The following RBFOX1 variants were observed in gnomAD, a reference collection of about 807,000 sequenced individuals.
RBFOX1 encodes RNA binding fox-1 homolog 1.
In RBFOX1, 8 loss-of-function variants were observed where a neutral mutation model predicts 57.7. The observed-to-expected ratio is 0.14, with a 90% CI of 0.08 to 0.25. RBFOX1 has a LOEUF of 0.25. RBFOX1 is among the 10% of genes least tolerant of loss of function. The pLI, the probability that RBFOX1 is intolerant of heterozygous loss-of-function variation, is 1.00. For synonymous variants in RBFOX1, 326 were observed against 222.4 expected, an observed-to-expected ratio of 1.47 and a Z score of -4.15; for missense variants, 611 against 548.5, an observed-to-expected ratio of 1.11 and a Z score of -1.14.
chr16:6,568,498 A>G (rs1373807125), intron 2 of RBFOX1, among the ~76,000 whole-genome samples: 7 of 152,148 alleles, frequency 4.6e-5, no homozygotes, highest in African/African-American at 1.7e-4. Flanking sequence ...TTATAACCCA[A>G]CCTCAGAGTG....
intron 2 of RBFOX1, among the ~76,000 whole-genome samples, chr16:5,571,247 G>A (rs1285450565): frequency 1.5e-5 from 2 of 132,302 alleles, no homozygotes; most frequent in Non-Finnish European, 3.1e-5. Context: ...TTGAGATGGA[G>A]TCACACTGTG....
chr16:5,819,040 C>G (rs1325211318), intron 3 of RBFOX1, among the ~76,000 whole-genome samples: 1 of 152,160 alleles, frequency 6.6e-6, no homozygotes, highest in South Asian at 2.1e-4. Flanking sequence ...TCTGCTTTCT[C>G]TCCATCCACA....
intron 4 of RBFOX1, among the ~76,000 whole-genome samples, chr16:7,437,588 T>A (rs1006439305): frequency 3.3e-5 from 5 of 152,190 alleles, no homozygotes; most frequent in Admixed American, 2.6e-4. Flanking sequence ...ATGAAACTGC[T>A]CCCCGGCAAC....
At chr16:6,501,052 G>A (rs2095902607) in intron 2 of RBFOX1, among the ~76,000 whole-genome samples, 1 of 150,908 alleles carries the variant, frequency 6.6e-6, no homozygotes, top group South Asian at 2.1e-4. Flanking sequence ...GCCCATGGGA[G>A]TCTGCCCCTG....
intron 4 of RBFOX1, among the ~76,000 whole-genome samples, chr16:7,196,200 G>T (rs141358262): frequency 1.3e-3 from 195 of 152,278 alleles, no homozygotes; most frequent in African/African-American, 4.6e-3. Context: ...ATGTTCCATA[G>T]TCAGAATGGT....
chr16:5,578,086 G>A (rs2046529265), intron 2 of RBFOX1, among the ~76,000 whole-genome samples: 1 of 152,110 alleles, frequency 6.6e-6, no homozygotes, highest in African/African-American at 2.4e-5. Flanking sequence ...CGAGTAGCTG[G>A]GACTACAGGT....
chr16:7,386,926 G>A (rs1253113163), intron 4 of RBFOX1, among the ~76,000 whole-genome samples: 1 of 152,150 alleles, frequency 6.6e-6, no homozygotes, highest in Non-Finnish European at 1.5e-5. Context: ...CATTCTGACT[G>A]CCATGAGATG....
At chr16:5,710,393 C>T (rs997454590) in intron 3 of RBFOX1, among the ~76,000 whole-genome samples, 1 of 152,146 alleles carries the variant, frequency 6.6e-6, no homozygotes, top group Non-Finnish European at 1.5e-5. Flanking sequence ...TGGGTCTCTT[C>T]ATTTGCTGCT....
At chr16:6,868,225 A>C (rs147623190) in intron 3 of RBFOX1, among the ~76,000 whole-genome samples, 51 of 152,318 alleles carry the variant, frequency 3.3e-4, no homozygotes, top group African/African-American at 1.2e-3. Flanking sequence ...TAATTTATAG[A>C]AACAGAAATA....
chr16:5,886,594 A>T (rs1267819258), intron 4 of RBFOX1, among the ~76,000 whole-genome samples: 1 of 152,196 alleles, frequency 6.6e-6, no homozygotes, highest in Non-Finnish European at 1.5e-5. Context: ...TCATTATTCA[A>T]ATCGTCTCTT....
chr16:5,285,916 C>T (rs1160295381), intron 1 of RBFOX1, among the ~76,000 whole-genome samples: 6 of 152,120 alleles, frequency 3.9e-5, no homozygotes, highest in East Asian at 1.9e-4. Flanking sequence ...GGACTACAGG[C>T]GCCTGCCACC....
rs564322452 is a variant in RBFOX1, at chr16:6,581,415, A to G, written c.-63-73188A>G. The stretch of plus-strand genomic sequence containing the variant: ...TTATTTTGTTGGTTTCACTGTTGGC[A>G]GCTGGTACAGGCTTCCTTCCCCCAG... On this transcript the variant is annotated intron_variant, in intron 2 of 15. Transcript: ENST00000550418. 7.4e-4 allele frequency among the ~76,000 whole-genome samples: 113 copies of G among 152,256 alleles called. 1 individual carries two copies. The highest frequency in any genetic ancestry group is 1.5e-3 in the Non-Finnish European group (100 of 68,010).
chr16:6,787,054 A>G (rs1169709804), intron 3 of RBFOX1, among the ~76,000 whole-genome samples: 1 of 152,104 alleles, frequency 6.6e-6, no homozygotes, highest in Non-Finnish European at 1.5e-5. Flanking sequence ...GTTGATTTGA[A>G]TTTTGAATAC....
At chr16:7,138,709 A>G (rs1301968914) in intron 4 of RBFOX1, among the ~76,000 whole-genome samples, 3 of 152,200 alleles carry the variant, frequency 2.0e-5, no homozygotes, top group East Asian at 3.9e-4. Context: ...TCCCAGATAT[A>G]TAGGCTGCAT....
chr16:7,193,395 G>A (rs563487222), intron 4 of RBFOX1, among the ~76,000 whole-genome samples: 3 of 152,348 alleles, frequency 2.0e-5, no homozygotes, highest in South Asian at 2.1e-4. Context: ...GTAGCTGGAT[G>A]AGACCTGCAT....
At chr16:6,744,044 A>G (rs2072982231) in intron 3 of RBFOX1, among the ~76,000 whole-genome samples, 1 of 152,108 alleles carries the variant, frequency 6.6e-6, no homozygotes, top group African/African-American at 2.4e-5. Context: ...AAAAAGTAAT[A>G]AAGATACAGA....
intron 1 of RBFOX1, among the ~76,000 whole-genome samples, chr16:5,340,484 T>C (rs1240124437): frequency 2.6e-5 from 4 of 152,314 alleles, no homozygotes; most frequent in Admixed American, 6.5e-5. Flanking sequence ...GGGCACATAT[T>C]GGGAGTGATG....
intron 3 of RBFOX1, among the ~76,000 whole-genome samples, chr16:6,927,808 G>C (rs1209032169): frequency 6.6e-6 from 1 of 152,080 alleles, no homozygotes; most frequent in East Asian, 1.9e-4. Flanking sequence ...ACCCTAAAGA[G>C]CCAGAAGCCT....
intron 4 of RBFOX1, among the ~76,000 whole-genome samples, chr16:7,089,766 T>C (rs2060521580): frequency 6.6e-6 from 1 of 152,220 alleles, no homozygotes; most frequent in Non-Finnish European, 1.5e-5. Context: ...CATCCCTCAA[T>C]TTCTATTTTC....
Sources: gnomAD v4.1 joint callset for allele counts (sites outside exome capture counted in the v4.1 genomes callset) on GRCh38, gnomAD v4.1.1 for gene constraint, MANE v1.5 for transcripts, NCBI Gene and HGNC (gene_info 2026-07-23, HGNC 2026-07-21) for gene names.